REPS2: variants seen among roughly 807,000 people sequenced by gnomAD.
The protein encoded by REPS2 is RALBP1 associated Eps domain containing 2, also known as ralBP1-associated Eps domain-containing protein 2.
A neutral mutation model predicts 53.6 loss-of-function variants in REPS2; 23 were observed. That is an observed-to-expected ratio of 0.43 (90% CI 0.31 to 0.61). The LOEUF (loss-of-function observed/expected upper bound fraction) is 0.61, where lower values mean the gene tolerates loss of function less well. Among genes scored for constraint, REPS2 ranks in the 20% least tolerant of loss-of-function variants. The pLI, the probability that REPS2 is intolerant of heterozygous loss-of-function variation, is 0.11. For synonymous variants in REPS2, 238 were observed against 218.6 expected (o/e 1.09, Z -0.78); for missense variants, 446 against 534.9 (o/e 0.83, Z 1.64).
chrX:17,071,092 T>C, intron 11 of REPS2, among the ~76,000 whole-genome samples: 1 of 112,289 alleles, frequency 8.9e-6, no homozygotes, highest in Non-Finnish European at 1.9e-5. Flanking sequence ...ATTAAGGTTA[T>C]AGATCAACCA....
intron 13 of REPS2, among the ~76,000 whole-genome samples, chrX:17,081,934 A>G (rs762103189): frequency 6.2e-5 from 7 of 112,629 alleles, no homozygotes; most frequent in Non-Finnish European, 9.4e-5. Context: ...ATAGCTATGA[A>G]ACATCTTTTA....
At chrX:17,042,467 G>A (rs920252830) in intron 5 of REPS2, among the ~76,000 whole-genome samples, 4 of 111,782 alleles carry the variant, frequency 3.6e-5, no homozygotes, top group Non-Finnish European at 7.5e-5. Context: ...ATGGGTCCAC[G>A]CATCTGGGTC....
the REPS2 span, among the ~76,000 whole-genome samples, chrX:17,187,142 C>T: frequency 1.6e-4 from 18 of 111,960 alleles, no homozygotes; most frequent in Non-Finnish European, 3.2e-4. Flanking sequence ...CCACTGACCC[C>T]GATCCCATTC....
intron 14 of REPS2, among the ~76,000 whole-genome samples, chrX:17,127,734 C>A: frequency 8.9e-6 from 1 of 111,747 alleles, no homozygotes; most frequent in Non-Finnish European, 1.9e-5. Context: ...TTTTGTCCCC[C>A]CAGAAACTTA....
At chrX:16,974,818 T>C (rs1407749937) in intron 1 of REPS2, among the ~76,000 whole-genome samples, 3 of 111,145 alleles carry the variant, frequency 2.7e-5, no homozygotes, top group Non-Finnish European at 5.7e-5. Context: ...ATTACCCAGG[T>C]ACTAAACCTA....
At chrX:17,036,712 G>T (rs1391080837) in intron 5 of REPS2, among the ~76,000 whole-genome samples, 1 of 111,899 alleles carries the variant, frequency 8.9e-6, no homozygotes, top group Non-Finnish European at 1.9e-5. Flanking sequence ...TGTTGTTAGA[G>T]ATGGTAAATG....
intron 6 of REPS2, among the ~76,000 whole-genome samples, chrX:17,050,202 T>TTCTTTCTTTCTTTC (rs1569148733): frequency 4.1e-5 from 1 of 24,240 alleles, no homozygotes; most frequent in African/African-American, 1.5e-4. Flanking sequence ...TTCTTTTTTT[T>TTCTTTCTTTCTTTC]TTTTTTTTGA....
intron 14 of REPS2, among the ~76,000 whole-genome samples, chrX:17,126,854 A>G (rs901614791): frequency 3.6e-5 from 4 of 111,937 alleles, no homozygotes; most frequent in African/African-American, 1.3e-4. Context: ...GATATTTACT[A>G]TCTGCCCATT....
chrX:17,077,461 T>G, intron 13 of REPS2, 54 bp downstream of exon 13: 1 of 1,119,658 alleles, frequency 8.9e-7, no homozygotes, highest in Non-Finnish European at 1.2e-6. Context: ...AGCCAGCGGA[T>G]GTGTGTCTGC....
At chrX:17,145,122 A>G (rs533283589) in intron 17 of REPS2, among the ~76,000 whole-genome samples, 5 of 111,936 alleles carry the variant, frequency 4.5e-5, no homozygotes, top group African/African-American at 1.6e-4. Context: ...TTTTATTGCT[A>G]TCATCTTGTC....
intron 14 of REPS2, among the ~76,000 whole-genome samples, chrX:17,118,004 G>C (rs1387401508): frequency 2.3e-5 from 2 of 87,288 alleles, no homozygotes. Flanking sequence ...CTGTCGCCCA[G>C]GCTGGAGTGC....
chrX:17,000,046 C>CAAAAAA (rs61082179), intron 1 of REPS2, among the ~76,000 whole-genome samples: 2 of 27,095 alleles, frequency 7.4e-5, no homozygotes, highest in African/African-American at 1.2e-4. Flanking sequence ...GACTCCGTCT[C>CAAAAAA]AAAAAAAAAA....
chrX:17,088,615 G>GTC lies in REPS2; in HGVS notation c.1516+11216_1516+11217dup, dbSNP rs755866856. ...TTTTTTTTTTTTTTTTTAAGATGGA[G>GTC]TCTCTCTCTGTTGCCCAGGCTGGAG... On this transcript the variant is annotated intron_variant, in intron 13 of 17. Transcript: ENST00000357277. Among the ~76,000 whole-genome samples the GTC allele has an allele frequency of 1.2e-3, 121 of 100,146 alleles. 1 individual carries two copies. Among genetic ancestry groups the GTC allele is most frequent in the Non-Finnish European group, 2.1e-3 (105 of 50,041 alleles). The allele number at this position is 100,146 out of a possible 115,157, so 87.0% of individuals were successfully genotyped here.
chrX:17,141,037 T>C (rs913913221), intron 17 of REPS2, among the ~76,000 whole-genome samples: 15 of 111,876 alleles, frequency 1.3e-4, no homozygotes, highest in Non-Finnish European at 2.6e-4. Flanking sequence ...CCCAGAGTGC[T>C]GGGATTACAG....
the REPS2 span, among the ~76,000 whole-genome samples, chrX:17,173,083 A>C: frequency 1.1e-4 from 12 of 110,854 alleles, no homozygotes; most frequent in Non-Finnish European, 1.9e-4. Flanking sequence ...TAATACCTCT[A>C]TTAGTTTTCT....
chrX:17,038,399 A>G (rs1179827111), intron 5 of REPS2, among the ~76,000 whole-genome samples: 2 of 111,862 alleles, frequency 1.8e-5, no homozygotes, highest in Admixed American at 1.9e-4. Flanking sequence ...TAGAGGTAAG[A>G]GCCTCTCCAA....
chrX:16,952,785 T>A (rs749676929), intron 1 of REPS2, among the ~76,000 whole-genome samples: 3 of 111,934 alleles, frequency 2.7e-5, no homozygotes, highest in Non-Finnish European at 5.6e-5. Flanking sequence ...TTAGATCATA[T>A]CATTTTGTAA....
chrX:17,074,229 A>T, intron 12 of REPS2, 70 bp downstream of exon 12: 1 of 970,126 alleles, frequency 1.0e-6, no homozygotes, highest in Non-Finnish European at 1.5e-6. Flanking sequence ...AGAACCACAA[A>T]CCAAAACCCA....
rs181905838 is a variant in REPS2 at position 17,149,993 on chromosome X, C to T, written c.*2512C>T. The T allele has an allele frequency of 9.0e-6, 1 of 111,706 alleles. No individual in the cohort carries two copies. The highest frequency in any genetic ancestry group is 2.8e-4 in the East Asian group (1 of 3,553). 9.2% of individuals were successfully genotyped at this position (111,706 alleles called of 1,213,427 possible). ...ACACACTAATAATATCTATGCCTAC[C>T]TTCTTGGGTGGACTCAACTGTAACC... On this transcript the variant is annotated 3_prime_UTR_variant, in exon 18 of 18. Coordinates refer to ENST00000357277, the MANE Select transcript of REPS2 (RefSeq NM_004726.3).
Sources: gnomAD v4.1 joint callset for allele counts (sites outside exome capture counted in the v4.1 genomes callset) on GRCh38, gnomAD v4.1.1 for gene constraint, MANE v1.5 for transcripts, NCBI Gene and HGNC (gene_info 2026-07-23, HGNC 2026-07-21) for gene names.